Variants in HCN2 observed in about 807,000 individuals in gnomAD.
HCN2 encodes the protein potassium/sodium hyperpolarization-activated cyclic nucleotide-gated channel 2.
Under a neutral mutation model 52.3 loss-of-function variants are expected in HCN2, and 20 were observed. The observed-to-expected ratio is 0.38, with a 90% CI of 0.27 to 0.56. The LOEUF (loss-of-function observed/expected upper bound fraction) is 0.56, where lower values mean the gene tolerates loss of function less well. Ranked by LOEUF, HCN2 falls within the 20% of genes least tolerant of loss-of-function variation. The pLI, the probability that HCN2 is intolerant of heterozygous loss-of-function variation, is 0.71. For missense variants in HCN2, 981 were observed against 1,207.7 expected, an observed-to-expected ratio of 0.81 and a Z score of 2.78; for synonymous variants, 694 against 537.0, an observed-to-expected ratio of 1.29 and a Z score of -4.04.
At chr19:596,334 G>T (rs1029652072) in intron 1 of HCN2, among the ~76,000 whole-genome samples, 2 of 152,166 alleles carry the variant, frequency 1.3e-5, no homozygotes, top group Non-Finnish European at 2.9e-5. Context: ...GTCAGGTGCC[G>T]GGGGCCCCAC....
chr19:595,201 C>CA (rs1284578682), intron 1 of HCN2, among the ~76,000 whole-genome samples: 22 of 151,330 alleles, frequency 1.5e-4, no homozygotes, highest in Middle Eastern at 3.4e-3. Flanking sequence ...GACCCTGTCT[C>CA]AAAAAAATAA....
At position 613,572 on chromosome 19, in the gene HCN2, CG is replaced by C. The variant is rs1190396987; in HGVS notation, c.1825+88del. Reference sequence around the variant, plus strand: ...AGAGCCAGGGGGCCGGGGCCGGGGCCGGGGCCGGGGATGGGGATGGGGATGG... The same window carrying C: ...AGAGCCAGGGGGCCGGGGCCGGGGCCGGGCCGGGGATGGGGATGGGGATGG... On this transcript the variant is annotated intron_variant, in intron 6 of 7. Coordinates refer to ENST00000251287, the MANE Select transcript of HCN2 (RefSeq NM_001194.4). The C allele has an allele frequency of 2.0e-5, 6 of 299,520 alleles. 1 individual carries two copies. The highest frequency in any genetic ancestry group is 6.5e-5 in the Admixed American group (1 of 15,312). The allele number at this position is 299,520 out of a possible 1,614,324, so 18.6% of individuals were successfully genotyped here. A position where few individuals can be genotyped will look rare whatever the true frequency, so the allele number is the denominator to read the frequency against.
In HCN2 at chr19:612,077, G is replaced by A. The variant is rs1047159497; in HGVS notation, c.1585-1171G>A. On this transcript the variant is annotated intron_variant, in intron 5 of 7. Coordinates refer to ENST00000251287, the MANE Select transcript of HCN2 (RefSeq NM_001194.4). ...GGAGAATCGCTTGAACCCAGGAGGC[G>A]GCGGTTGCAGTGAGCCGAGATTGTG... 3.7e-4 allele frequency among the ~76,000 whole-genome samples: 56 copies of A among 152,052 alleles called. 2 individuals are homozygous for A. The highest frequency in any genetic ancestry group is 2.6e-3 in the Admixed American group (39 of 15,256).
rs1209680355 is a variant in HCN2 at position 592,689 on chromosome 19, C to A, written c.632+2112C>A. Reference sequence around the variant, plus strand: ...ATGTTGCCAAGCTGGGTGCACGGGGCCCCTAGGACCCTCCCCAGGCTTGGG... The same window carrying A: ...ATGTTGCCAAGCTGGGTGCACGGGGACCCTAGGACCCTCCCCAGGCTTGGG... On this transcript the variant is annotated intron_variant, in intron 1 of 7. Coordinates refer to ENST00000251287, the MANE Select transcript of HCN2 (RefSeq NM_001194.4). This position sits in a 1 kb window ranked among gnomAD's most constrained non-coding sequence, Gnocchi z 4.8. Among the ~76,000 whole-genome samples the A allele has an allele frequency of 6.6e-6, 1 of 152,106 alleles. No homozygotes were observed. The highest frequency in any genetic ancestry group is 6.5e-5 in the Admixed American group (1 of 15,270).
chr19:606,242 A>G (rs1276839958), intron 3 of HCN2, among the ~76,000 whole-genome samples: 4 of 152,074 alleles, frequency 2.6e-5, no homozygotes, highest in Non-Finnish European at 5.9e-5. Context: ...CTGGGACTAC[A>G]GGCGCCCGCC....
intron 1 of HCN2, among the ~76,000 whole-genome samples, chr19:601,743 G>T (rs1983209825): frequency 6.8e-6 from 1 of 147,304 alleles, no homozygotes; most frequent in African/African-American, 2.5e-5. Flanking sequence ...GATAGCGAAA[G>T]GGTTGGGCAT....
In HCN2 at chr19:613,307, C is replaced by G. The variant is rs2301778; in HGVS notation, c.1644C>G (p.Ala548=). The G allele has an allele frequency of 5.0e-6, 8 of 1,612,304 alleles. No homozygotes were observed. The highest frequency in any genetic ancestry group is 3.3e-5 in the Admixed American group (2 of 59,944). ...CCTCCATGCCGCTGTTCGCCAACGC[C>G]GACCCCAACTTCGTCACGGCCATGC... ...LVASMPLFAN[A]DPNFVTAMLT... The change falls in exon 6 of 8, where the codon GCC becomes GCG. Residue 548 remains alanine, a synonymous_variant. Coordinates refer to ENST00000251287, the MANE Select transcript of HCN2 (RefSeq NM_001194.4).
At chr19:606,849 TC>T (rs1390493098) in intron 3 of HCN2, among the ~76,000 whole-genome samples, 1 of 65,884 alleles carries the variant, frequency 1.5e-5, no homozygotes, top group East Asian at 6.4e-4. Flanking sequence ...AGACTTTGTC[TC>T]AAAAAAAATA....
intron 4 of HCN2, among the ~76,000 whole-genome samples, chr19:609,912 T>A (rs577831567): frequency 2.0e-5 from 3 of 151,502 alleles, no homozygotes; most frequent in East Asian, 1.9e-4. Flanking sequence ...AAAAAAAAAA[T>A]GGAATTTATC....
chr19:594,384 C>T (rs1011546503), intron 1 of HCN2, among the ~76,000 whole-genome samples: 2 of 145,866 alleles, frequency 1.4e-5, no homozygotes, highest in African/African-American at 5.6e-5. Flanking sequence ...GCCCTGTGGC[C>T]GCCCTGCCGT....
rs1982876063 is a variant in HCN2 at position 591,634 on chromosome 19, G to C, written c.632+1057G>C. ...GTGGAGGGTGTAGGTGGGGCCCGCCGGGCTAGCGAGGCCGGGCGCGCGGGA... is the reference window on the plus strand; with the variant it reads ...GTGGAGGGTGTAGGTGGGGCCCGCCCGGCTAGCGAGGCCGGGCGCGCGGGA... On this transcript the variant is annotated intron_variant, in intron 1 of 7. Coordinates refer to ENST00000251287, the MANE Select transcript of HCN2 (RefSeq NM_001194.4). This position sits in a 1 kb window ranked among gnomAD's most constrained non-coding sequence, Gnocchi z 4.1. Among the ~76,000 whole-genome samples, 1 of 152,086 alleles carries C rather than the reference G, an allele frequency of 6.6e-6. No homozygotes were observed. Among genetic ancestry groups the C allele is most frequent in the South Asian group, 2.1e-4 (1 of 4,824 alleles).
chr19:614,594 A>G (rs1450814669), intron 7 of HCN2, among the ~76,000 whole-genome samples: 1 of 152,160 alleles, frequency 6.6e-6, no homozygotes, highest in East Asian at 1.9e-4. Flanking sequence ...CCTGAGGTGG[A>G]AAAGAGGCCT....
At chr19:602,003 G>C (rs1256818989) in intron 1 of HCN2, among the ~76,000 whole-genome samples, 2 of 151,438 alleles carry the variant, frequency 1.3e-5, no homozygotes, top group African/African-American at 4.9e-5. Flanking sequence ...TGCCAAGTCC[G>C]GCTCGGCCGT....
chr19:613,508 G>GCGA lies in HCN2; in HGVS notation c.1825+21_1825+22insGAC. 9.6e-7 allele frequency: 1 copy of GCGA among 1,039,932 alleles called. No individual in the cohort carries two copies. Among genetic ancestry groups the GCGA allele is most frequent in the Non-Finnish European group, 1.4e-6 (1 of 715,504 alleles). The allele number at this position is 1,039,932 out of a possible 1,614,324, so 64.4% of individuals were successfully genotyped here. A position where few individuals can be genotyped will look rare whatever the true frequency, so the allele number is the denominator to read the frequency against. ...TCGGGGGTGAGCTTGAGGGGGGCGCGCCTGGAGGGGGAGGGGGCACGCGAC... is the reference window on the plus strand; with the variant it reads ...TCGGGGGTGAGCTTGAGGGGGGCGCGCGACCTGGAGGGGGAGGGGGCACGCGAC... On this transcript the variant is annotated intron_variant, in intron 6 of 7. Coordinates refer to ENST00000251287, the MANE Select transcript of HCN2 (RefSeq NM_001194.4).
Position 616,598 on chromosome 19 carries a change from G to GC in HCN2, c.*126dup. On this transcript the variant is annotated 3_prime_UTR_variant, in exon 8 of 8. Coordinates refer to ENST00000251287, the MANE Select transcript of HCN2 (RefSeq NM_001194.4). Reference sequence around the variant, plus strand: ...AGAAGCCATAGACGAGACGTAGGTAGCCGTAGTTGGACGGACGGGCAGGGC... The same window carrying GC: ...AGAAGCCATAGACGAGACGTAGGTAGCCCGTAGTTGGACGGACGGGCAGGGC... 1.8e-6 allele frequency: 1 copy of GC among 545,844 alleles called. No individual in the cohort carries two copies. The highest frequency in any genetic ancestry group is 6.0e-5 in the East Asian group (1 of 16,648). 33.8% of individuals were successfully genotyped at this position (545,844 alleles called of 1,614,324 possible).
At chr19:605,840 C>T (rs1983409882) in intron 3 of HCN2, among the ~76,000 whole-genome samples, 1 of 151,868 alleles carries the variant, frequency 6.6e-6, no homozygotes, top group Non-Finnish European at 1.5e-5. Context: ...GACACAGGCC[C>T]TTCAGGGGTG....
intron 3 of HCN2, among the ~76,000 whole-genome samples, chr19:605,915 C>T (rs1037971016): frequency 6.6e-6 from 1 of 152,172 alleles, no homozygotes; most frequent in Non-Finnish European, 1.5e-5. Flanking sequence ...AGGACTGCAG[C>T]CCCGGCACTG....
At chr19:603,489 C>A (rs1983288405) in intron 1 of HCN2, 55 bp from the exon 2 acceptor site, 5 of 1,439,412 alleles carry the variant, frequency 3.5e-6, no homozygotes, top group South Asian at 2.5e-5. Flanking sequence ...CGGGGCTGGT[C>A]CCGCAGGTGC....
rs1428982387 is a variant in HCN2 at position 616,152 on chromosome 19, C to T, written c.2348C>T (p.Ala783Val). ...GPPPPASPPGAPASPRAPRTS... is the reference protein window; with the variant it reads ...GPPPPASPPGVPASPRAPRTS... The stretch of plus-strand genomic sequence containing the variant: ...CCGCCCCCCGCCAGCCCCCCGGGCG[C>T]GCCCGCCAGCCCCCGGGCACCGCGG... The change falls in exon 8 of 8, where the codon GCG (alanine) becomes GTG (valine). Residue 783 changes from alanine (A) to valine (V), a missense_variant. Transcript: ENST00000251287. 4.3e-5 allele frequency: 41 copies of T among 959,484 alleles called. No homozygotes were observed. Among genetic ancestry groups the T allele is most frequent in the African/African-American group, 3.2e-4 (18 of 55,556 alleles). The allele number at this position is 959,484 out of a possible 1,614,324, so 59.4% of individuals were successfully genotyped here.
Sources: allele counts gnomAD v4.1 joint callset (sites outside exome capture counted in the v4.1 genomes callset), GRCh38; gene constraint gnomAD v4.1.1; non-coding constraint Gnocchi (gnomAD v3.1); transcripts MANE v1.5; gene names NCBI Gene and HGNC (gene_info 2026-07-23, HGNC 2026-07-21).